The following RGS7 variants were observed in gnomAD, a reference collection of about 807,000 sequenced individuals.
The protein encoded by RGS7 is regulator of G-protein signaling 7.
RGS7 carries 27 observed loss-of-function variants against 81.1 expected under a neutral mutation model. The ratio of observed to expected loss-of-function variants is 0.33; its 90% confidence interval spans 0.25 to 0.46. The LOEUF is 0.46. Ranked by LOEUF, RGS7 falls within the 20% of genes least tolerant of loss-of-function variation. The probability of loss-of-function intolerance (pLI) is 1.00; values close to 1 mark genes in which losing one functional copy is unlikely to be tolerated. For missense variants in RGS7, 396 were observed against 607.4 expected (o/e 0.65, Z 3.66); for synonymous variants, 208 against 207.7 (o/e 1.00, Z -0.01).
rs543936231 is a variant in RGS7 at position 241,145,014 on chromosome 1, G to C, written c.79-46252C>G. On this transcript the variant is annotated intron_variant, in intron 2 of 18. Coordinates refer to ENST00000440928, the MANE Select transcript of RGS7 (RefSeq NM_001364886.1). ...TTTTCCCACCTCAGCCTTGGGTGTC[G>C]ATGAAACTTTTTTTTTTTTTGAGAT... Among the ~76,000 whole-genome samples the C allele has an allele frequency of 4.5e-4, 67 of 148,680 alleles. No homozygotes were observed. The Middle Eastern group carries it at 0.014, about 31-fold the overall frequency.
At position 241,180,096 on chromosome 1, in the gene RGS7, C is replaced by T. The variant is rs544813659; in HGVS notation, c.79-81334G>A. 1.3e-4 allele frequency among the ~76,000 whole-genome samples: 20 copies of T among 151,996 alleles called. No homozygotes were observed. In the East Asian group the frequency reaches 2.3e-3, roughly 18 times the overall value. ...TCTCTGATAAACACAGAAAGTGGGC[C>T]GGGCGCGGTGGCTCACACCTGTCAT... On this transcript the variant is annotated intron_variant, in intron 2 of 18. Coordinates refer to ENST00000440928, the MANE Select transcript of RGS7 (RefSeq NM_001364886.1).
At chr1:241,304,557 T>C (rs1197158510) in intron 2 of RGS7, among the ~76,000 whole-genome samples, 2 of 152,090 alleles carry the variant, frequency 1.3e-5, no homozygotes, top group Non-Finnish European at 2.9e-5. Context: ...TACAGCTGGG[T>C]ATAAAAGCAA....
chr1:241,317,689 C>A (rs1226926440), intron 2 of RGS7, among the ~76,000 whole-genome samples: 1 of 152,118 alleles, frequency 6.6e-6, no homozygotes, highest in African/African-American at 2.4e-5. Flanking sequence ...AAAGTATGCA[C>A]CCTTTGAAAA....
At chr1:241,194,777 AG>A (rs2072941298) in intron 2 of RGS7, among the ~76,000 whole-genome samples, 1 of 152,210 alleles carries the variant, frequency 6.6e-6, no homozygotes, top group South Asian at 2.1e-4. Flanking sequence ...AATCTGACAG[AG>A]GCAAGCCAAG....
intron 2 of RGS7, among the ~76,000 whole-genome samples, chr1:241,245,522 GT>G (rs1271826465): frequency 6.6e-6 from 1 of 151,462 alleles, no homozygotes; most frequent in East Asian, 1.9e-4. Context: ...ACGTGTGTGT[GT>G]TCAGGCCTGG....
intron 2 of RGS7, among the ~76,000 whole-genome samples, chr1:241,199,293 A>G (rs1209784404): frequency 6.7e-6 from 1 of 150,360 alleles, no homozygotes. Flanking sequence ...CATCTGTACT[A>G]AAAAAAATAC....
At chr1:241,270,479 A>C (rs901914127) in intron 2 of RGS7, among the ~76,000 whole-genome samples, 1 of 152,196 alleles carries the variant, frequency 6.6e-6, no homozygotes, top group African/African-American at 2.4e-5. Flanking sequence ...AAATCTACTT[A>C]CTTAAACTTC....
Position 240,801,466 on chromosome 1 carries a change from C to T in RGS7, c.1402G>A (p.Ala468Thr), listed in dbSNP as rs145387487. The stretch of plus-strand genomic sequence containing the variant: ...AAAATTAAACTTACCACATTCTGTG[C>T]AAATTTTTCAAAAGATGTTCTGCGA... ...MDRRTSFEKF[A>T]QNVGRNIPIF... Residue 468 changes from alanine (A) to threonine (T), a missense_variant, in exon 17 of 19, where the codon GCA (alanine) becomes ACA (threonine). Physicochemically the swap from Ala to Thr is moderately conservative, Grantham distance 58. Transcript: ENST00000440928. 1.6e-4 allele frequency: 255 copies of T among 1,604,836 alleles called. 1 individual carries two copies. The highest frequency in any genetic ancestry group is 1.8e-4 in the Non-Finnish European group (210 of 1,172,462).
chr1:240,972,570 T>G (rs1683388197), intron 4 of RGS7, among the ~76,000 whole-genome samples: 4 of 120,386 alleles, frequency 3.3e-5, no homozygotes, highest in African/African-American at 6.2e-5. Flanking sequence ...GGGGGAGGGA[T>G]AGCATTGGGA....
chr1:240,902,795 G>T (rs920868865), intron 6 of RGS7, among the ~76,000 whole-genome samples: 2 of 152,116 alleles, frequency 1.3e-5, no homozygotes, highest in African/African-American at 4.8e-5. Context: ...CAATGTTTTT[G>T]TAGAGAATTA....
Position 241,068,238 on chromosome 1 carries a change from G to GTGTGTGTGTGTGTGTGTGTGTATATATA in RGS7, c.175+30427_175+30428insTATATATACACACACACACACACACACA. Among the ~76,000 whole-genome samples, 10 of 35,658 alleles carry GTGTGTGTGTGTGTGTGTGTGTATATATA rather than the reference G, an allele frequency of 2.8e-4. 1 individual carries two copies. The highest frequency in any genetic ancestry group is 5.4e-4 in the Non-Finnish European group (10 of 18,670). 23.4% of individuals were successfully genotyped at this position (35,658 alleles called of 152,430 possible). A position where few individuals can be genotyped will look rare whatever the true frequency, so the allele number is the denominator to read the frequency against. The stretch of plus-strand genomic sequence containing the variant: ...CTATCCATAAATTGTGTGTGTGTGT[G>GTGTGTGTGTGTGTGTGTGTGTATATATA]TATATATATATATATATATAAAATA... On this transcript the variant is annotated intron_variant, in intron 3 of 18. Coordinates refer to ENST00000440928, the MANE Select transcript of RGS7 (RefSeq NM_001364886.1).
intron 3 of RGS7, among the ~76,000 whole-genome samples, chr1:241,043,180 C>T (rs1372796625): frequency 1.3e-5 from 2 of 151,964 alleles, no homozygotes; most frequent in African/African-American, 4.8e-5. Context: ...TGATCTATTT[C>T]CTGAGTCTTT....
Position 241,180,101 on chromosome 1 carries a change from G to A in RGS7, c.79-81339C>T, listed in dbSNP as rs918188539. Among the ~76,000 whole-genome samples the A allele has an allele frequency of 5.9e-5, 9 of 151,958 alleles. No homozygotes were observed. In the South Asian group the frequency reaches 8.3e-4, roughly 14 times the overall value. ...GATAAACACAGAAAGTGGGCCGGGC[G>A]CGGTGGCTCACACCTGTCATCCCAG... On this transcript the variant is annotated intron_variant, in intron 2 of 18. Coordinates refer to ENST00000440928, the MANE Select transcript of RGS7 (RefSeq NM_001364886.1).
intron 2 of RGS7, among the ~76,000 whole-genome samples, chr1:241,192,927 A>G (rs566948225): frequency 6.6e-6 from 1 of 152,312 alleles, no homozygotes; most frequent in South Asian, 2.1e-4. Context: ...CCTACTTTTT[A>G]AGTACTCTTA....
At chr1:240,834,342 C>T (rs1694322169) in intron 9 of RGS7, among the ~76,000 whole-genome samples, 1 of 152,142 alleles carries the variant, frequency 6.6e-6, no homozygotes, top group Non-Finnish European at 1.5e-5. Flanking sequence ...TGATATCTTG[C>T]TTCAGTGTAT....
At chr1:241,253,871 A>T (rs1193700833) in intron 2 of RGS7, among the ~76,000 whole-genome samples, 1 of 152,196 alleles carries the variant, frequency 6.6e-6, no homozygotes, top group East Asian at 1.9e-4. Context: ...CTAAGAAATC[A>T]TGATTCTAGG....
intron 2 of RGS7, among the ~76,000 whole-genome samples, chr1:241,293,771 C>T (rs148523751): frequency 1.3e-5 from 2 of 152,152 alleles, no homozygotes; most frequent in South Asian, 2.1e-4. Context: ...GAATGGCCAT[C>T]ATTAAAAAGT....
intron 2 of RGS7, among the ~76,000 whole-genome samples, chr1:241,256,086 T>G (rs2077041109): frequency 6.6e-6 from 1 of 152,160 alleles, no homozygotes; most frequent in African/African-American, 2.4e-5. Context: ...ACCAGTTAAC[T>G]AATTGGGAAT....
intron 2 of RGS7, among the ~76,000 whole-genome samples, chr1:241,177,100 A>C (rs6666551): frequency 1.3e-5 from 2 of 152,032 alleles, no homozygotes; most frequent in Non-Finnish European, 2.9e-5. Context: ...TGCCCTCAAG[A>C]GTCTTACATT....
Sources: gnomAD v4.1 joint callset for allele counts (sites outside exome capture counted in the v4.1 genomes callset) on GRCh38, gnomAD v4.1.1 for gene constraint, MANE v1.5 for transcripts, NCBI Gene and HGNC (gene_info 2026-07-23, HGNC 2026-07-21) for gene names.